Variants in IKBKB observed in about 807,000 individuals in gnomAD.
The protein encoded by IKBKB is inhibitor of nuclear factor kappa-B kinase subunit beta.
IKBKB carries 42 observed loss-of-function variants against 113.6 expected under a neutral mutation model. The ratio of observed to expected loss-of-function variants is 0.37; its 90% CI spans 0.29 to 0.48. The LOEUF (loss-of-function observed/expected upper bound fraction) is 0.48, where lower values mean the gene tolerates loss of function less well. Among genes scored for constraint, IKBKB ranks in the 20% least tolerant of loss-of-function variants. The pLI is 0.99. For missense variants in IKBKB, 673 were observed against 939.7 expected (o/e 0.72, Z 3.71); for synonymous variants, 296 against 361.3 (o/e 0.82, Z 2.05).
Position 42,316,924 on chromosome 8 carries a change from A to C in IKBKB, c.1125+20A>C, listed in dbSNP as rs748294027. The C allele has an allele frequency of 1.2e-6, 2 of 1,610,274 alleles. No individual in the cohort carries two copies. Among genetic ancestry groups the C allele is most frequent in the Non-Finnish European group, 8.5e-7 (1 of 1,177,270 alleles). On this transcript the variant is annotated intron_variant, in intron 11 of 21. Coordinates refer to ENST00000520810, the MANE Select transcript of IKBKB (RefSeq NM_001556.3). This position sits in a 1 kb window ranked among gnomAD's most constrained non-coding sequence, Gnocchi z 4.5. ...GGCAAGGTGAGCCCTGGCTTCGTAC[A>C]CACCATCCTGTTTACCTTGGCTGTG...
At chr8:42,279,662 G>A (rs988167318) in intron 2 of IKBKB, among the ~76,000 whole-genome samples, 2 of 152,024 alleles carry the variant, frequency 1.3e-5, no homozygotes, top group Non-Finnish European at 2.9e-5. Context: ...ACCTGAGCTC[G>A]CAAGCAAAGA....
At chr8:42,323,403 A>G (rs927303434) in intron 19 of IKBKB, among the ~76,000 whole-genome samples, 1 of 152,224 alleles carries the variant, frequency 6.6e-6, no homozygotes, top group African/African-American at 2.4e-5. Context: ...GGGATGCCAC[A>G]TGGTGGGGAA....
At chr8:42,289,207 T>G (rs1437425608) in intron 3 of IKBKB, among the ~76,000 whole-genome samples, 1 of 152,016 alleles carries the variant, frequency 6.6e-6, no homozygotes, top group Admixed American at 6.5e-5. Flanking sequence ...AGAGCGAGAC[T>G]CCGTCTAAAA....
intron 4 of IKBKB, among the ~76,000 whole-genome samples, chr8:42,292,953 T>C (rs1360286434): frequency 6.6e-6 from 1 of 152,186 alleles, no homozygotes; most frequent in East Asian, 1.9e-4. Flanking sequence ...TGAGCTAATC[T>C]GTGCAGAGCT....
rs1819883151 is a variant in IKBKB, at chr8:42,322,078, A to G, written c.1763A>G (p.Gln588Arg). The change falls in exon 18 of 22, where the codon CAG becomes CGG. Residue 588 changes from glutamine to arginine, a missense_variant. Gln to Arg is a conservative substitution (Grantham distance 43). This residue lies in a region of IKBKB where 506 missense variants were observed against 638.7 expected (regional missense o/e 0.79). Coordinates refer to ENST00000520810, the MANE Select transcript of IKBKB (RefSeq NM_001556.3). ...GACCAGCGAACTGAGGGTGACAGTC[A>G]GGAAATGGTACGGCTGCTGCTTCAG... The part of the protein sequence containing the change: ...PRDQRTEGDS[Q>R]EMVRLLLQAI... The G allele has an allele frequency of 6.2e-7, 1 of 1,613,932 alleles. No homozygotes were observed. The highest frequency in any genetic ancestry group is 8.5e-7 in the Non-Finnish European group (1 of 1,179,988).
In IKBKB at chr8:42,329,738, T is replaced by C. The variant is rs555273700; in HGVS notation, c.2205+524T>C. The stretch of plus-strand genomic sequence containing the variant: ...CTGGGCTGGGAGCAGGAACCAGCCA[T>C]GGCCTTGTCCTCAGGGCCTTGGAGC... On this transcript the variant is annotated intron_variant, in intron 21 of 21. Transcript: ENST00000520810. 53 of 985,428 alleles carry C rather than the reference T, an allele frequency of 5.4e-5. No homozygotes were observed. In the African/African-American group the frequency reaches 8.7e-4, roughly 16 times the overall value. The allele number at this position is 985,428 out of a possible 1,614,324, so 61.0% of individuals were successfully genotyped here.
intron 2 of IKBKB, among the ~76,000 whole-genome samples, chr8:42,283,892 A>G (rs1810849832): frequency 2.0e-5 from 3 of 152,206 alleles, no homozygotes; most frequent in African/African-American, 7.2e-5. Context: ...TGGCTAAACC[A>G]TTGCTTGGAA....
intron 20 of IKBKB, among the ~76,000 whole-genome samples, chr8:42,328,193 C>T (rs1022374545): frequency 5.3e-5 from 8 of 150,956 alleles, no homozygotes; most frequent in African/African-American, 1.5e-4. Context: ...GTGATCCGCC[C>T]GCCTTGGTCT....
intron 19 of IKBKB, among the ~76,000 whole-genome samples, chr8:42,323,585 A>G (rs1287076449): frequency 6.6e-6 from 1 of 152,024 alleles, no homozygotes; most frequent in East Asian, 1.9e-4. Context: ...AGAGAGGGAG[A>G]TGGTTGCTCA....
At chr8:42,323,823 G>T (rs926040703) in intron 19 of IKBKB, among the ~76,000 whole-genome samples, 2 of 152,158 alleles carry the variant, frequency 1.3e-5, no homozygotes, top group African/African-American at 4.8e-5. Flanking sequence ...GTATGCGCAG[G>T]TGATAGCCTG....
At chr8:42,313,093 A>G (rs1052888888) in intron 8 of IKBKB, among the ~76,000 whole-genome samples, 1 of 152,180 alleles carries the variant, frequency 6.6e-6, no homozygotes. Flanking sequence ...GTACTTGGTT[A>G]TCTATGAAGT....
intron 2 of IKBKB, among the ~76,000 whole-genome samples, chr8:42,284,093 T>C (rs776537242): frequency 6.6e-6 from 1 of 152,198 alleles, no homozygotes; most frequent in Non-Finnish European, 1.5e-5. Context: ...TCAGTGCTGC[T>C]ATCACAGAGT....
chr8:42,283,969 G>T (rs972524395), intron 2 of IKBKB, among the ~76,000 whole-genome samples: 1 of 152,164 alleles, frequency 6.6e-6, no homozygotes, highest in Non-Finnish European at 1.5e-5. Context: ...GGCACCTCAC[G>T]CTGCAGCGGG....
Position 42,319,617 on chromosome 8 carries a change from A to G in IKBKB, c.1549A>G (p.Met517Val). 6.3e-7 allele frequency: 1 copy of G among 1,596,438 alleles called. No homozygotes were observed. The highest frequency in any genetic ancestry group is 8.5e-7 in the Non-Finnish European group (1 of 1,174,420). The change falls in exon 15 of 22, where the codon ATG becomes GTG. Residue 517 changes from methionine (M) to valine (V), a missense_variant. Met to Val is a conservative substitution (Grantham distance 21). Around this residue, in one of 2 missense-constraint regions of IKBKB, gnomAD observed 506 missense variants for 638.7 expected, o/e 0.79. Transcript: ENST00000520810. Reference sequence around the variant, plus strand: ...TAAACTGCTGCTGGCCTGGAGGGAAATGGAGCAGGCTGTGGAGCTCTGTGG... The same window carrying G: ...TAAACTGCTGCTGGCCTGGAGGGAAGTGGAGCAGGCTGTGGAGCTCTGTGG... The part of the protein sequence containing the change: ...SDKLLLAWRE[M>V]EQAVELCGRE...
intron 2 of IKBKB, among the ~76,000 whole-genome samples, chr8:42,276,860 A>ATTTT (rs764463407): frequency 5.9e-5 from 6 of 101,584 alleles, no homozygotes; most frequent in South Asian, 3.1e-4. Flanking sequence ...CACCCGGCTA[A>ATTTT]TTTTTTTTTT....
intron 21 of IKBKB, chr8:42,329,674 C>T (rs1821435764): frequency 6.1e-6 from 6 of 985,342 alleles, no homozygotes; most frequent in Non-Finnish European, 6.0e-6. Flanking sequence ...TCCCCACCTG[C>T]ACCATTGGTA....
At chr8:42,318,467 C>T (rs1819117585) in intron 12 of IKBKB, 85 bp from the exon 13 acceptor site, 1 of 1,473,256 alleles carries the variant, frequency 6.8e-7, no homozygotes, top group African/African-American at 1.4e-5. Flanking sequence ...GTGAAAGTGC[C>T]AGTAGTGTCG....
chr8:42,272,298 C>T, intron 2 of IKBKB, 93 bp downstream of exon 2: 4 of 1,566,514 alleles, frequency 2.6e-6, no homozygotes, highest in South Asian at 2.2e-5. Flanking sequence ...CAAGGGCTCA[C>T]CTTTGGCTTT....
At chr8:42,330,677 A>C (rs1339186890) in intron 21 of IKBKB, 3 of 320,530 alleles carry the variant, frequency 9.4e-6, no homozygotes, top group African/African-American at 6.8e-5. Flanking sequence ...CGCCTGGCTA[A>C]TTTTGTATTT....
Sources: gnomAD v4.1 joint callset for allele counts (sites outside exome capture counted in the v4.1 genomes callset) on GRCh38, gnomAD v4.1.1 for gene constraint, gnomAD v4.1.1 regional missense constraint, Gnocchi (gnomAD v3.1) non-coding constraint, MANE v1.5 for transcripts, NCBI Gene and HGNC (gene_info 2026-07-23, HGNC 2026-07-21) for gene names.